Variants in SLC5A4 observed in about 807,000 individuals in gnomAD.
SLC5A4 encodes the protein probable glucose sensor protein SLC5A4.
Under a neutral mutation model 70.3 loss-of-function variants are expected in SLC5A4, and 55 were observed. That is an observed-to-expected ratio of 0.78 (90% CI 0.63 to 0.98). The LOEUF (loss-of-function observed/expected upper bound fraction) is 0.98, where lower values mean the gene tolerates loss of function less well. Among genes scored for constraint, SLC5A4 ranks in the 50% least tolerant of loss-of-function variants. The pLI is 0.00. For missense variants in SLC5A4, 735 were observed against 839.2 expected (o/e 0.88, Z 1.53); for synonymous variants, 268 against 305.7 (o/e 0.88, Z 1.29).
the SLC5A4 span, among the ~76,000 whole-genome samples, chr22:32,263,102 A>G: frequency 2.0e-5 from 3 of 147,032 alleles, no homozygotes; most frequent in Admixed American, 1.3e-4. Context: ...ACCACTGTCA[A>G]CCAGGCTGGA....
chr22:32,224,552 T>C lies in SLC5A4; in HGVS notation c.1450-70A>G, dbSNP rs991533120. 77 of 1,240,994 alleles carry C rather than the reference T, an allele frequency of 6.2e-5. 1 individual carries two copies. In the African/African-American group the frequency reaches 1.0e-3, roughly 17 times the overall value. 76.9% of individuals were successfully genotyped at this position (1,240,994 alleles called of 1,614,324 possible). A position where few individuals can be genotyped will look rare whatever the true frequency, so the allele number is the denominator to read the frequency against. On this transcript the variant is annotated intron_variant, in intron 12 of 14. Coordinates refer to ENST00000266086, the MANE Select transcript of SLC5A4 (RefSeq NM_014227.3). ...AGAAGCTTATTCAAGTAAGTCATCA[T>C]TATAATCCTGCCTGCTTTCTCAGTT...
At chr22:32,319,065 G>T in the SLC5A4 span, among the ~76,000 whole-genome samples, 1 of 152,206 alleles carries the variant, frequency 6.6e-6, no homozygotes, top group Admixed American at 6.5e-5. Flanking sequence ...CAACAAGTAA[G>T]GGGGAATTCA....
At chr22:32,331,014 C>T in the SLC5A4 span, among the ~76,000 whole-genome samples, 2 of 74,080 alleles carry the variant, frequency 2.7e-5, no homozygotes, top group Non-Finnish European at 5.3e-5. Context: ...GTTGGGGGCT[C>T]TGGTGTGTGT....
the SLC5A4 span, among the ~76,000 whole-genome samples, chr22:32,261,160 A>C: frequency 6.6e-6 from 1 of 151,928 alleles, no homozygotes; most frequent in African/African-American, 2.4e-5. Flanking sequence ...AACAATATGC[A>C]CAGGGGAGAA....
At chr22:32,258,008 C>A (rs1927576577), upstream of SLC5A4, among the ~76,000 whole-genome samples, 1 of 150,644 alleles carries the variant, frequency 6.6e-6, no homozygotes, top group Non-Finnish European at 1.5e-5. Context: ...ATTTGTGAGA[C>A]AGAGTCTTGC....
intron 5 of SLC5A4, among the ~76,000 whole-genome samples, chr22:32,246,675 G>A (rs1457963540): frequency 2.0e-5 from 3 of 151,980 alleles, no homozygotes; most frequent in African/African-American, 7.3e-5. Context: ...TTACTGGTGT[G>A]CATCACCATG....
chr22:32,282,149 G>A, the SLC5A4 span, among the ~76,000 whole-genome samples: 33 of 152,186 alleles, frequency 2.2e-4, no homozygotes, highest in Non-Finnish European at 4.4e-4. Context: ...GGCCACTTCC[G>A]TGTTTCTTTC....
At chr22:32,232,091 G>C (rs1735399485) in intron 9 of SLC5A4, among the ~76,000 whole-genome samples, 1 of 152,058 alleles carries the variant, frequency 6.6e-6, no homozygotes, top group Admixed American at 6.6e-5. Flanking sequence ...TATTGCTCAG[G>C]CTGGTCTCAA....
At chr22:32,319,702 T>G in the SLC5A4 span, among the ~76,000 whole-genome samples, 1 of 152,252 alleles carries the variant, frequency 6.6e-6, no homozygotes, top group Non-Finnish European at 1.5e-5. Context: ...GCTGAATCCC[T>G]GATCTCCTTT....
chr22:32,309,681 G>A, the SLC5A4 span, among the ~76,000 whole-genome samples: 53 of 151,972 alleles, frequency 3.5e-4, no homozygotes, highest in African/African-American at 8.9e-4. Flanking sequence ...TTTCCACACC[G>A]AGTGTTCACA....
At chr22:32,280,573 C>T in the SLC5A4 span, among the ~76,000 whole-genome samples, 4 of 152,210 alleles carry the variant, frequency 2.6e-5, no homozygotes, top group Non-Finnish European at 5.9e-5. Flanking sequence ...CTCCCTCCCT[C>T]TCTTCCCTAT....
the SLC5A4 span, among the ~76,000 whole-genome samples, chr22:32,287,980 T>G: frequency 6.6e-6 from 1 of 151,194 alleles, no homozygotes. Context: ...TGGAGAGCAC[T>G]AGGCAGTTCA....
intron 3 of SLC5A4, among the ~76,000 whole-genome samples, chr22:32,249,712 T>G (rs1229683682): frequency 6.6e-6 from 1 of 152,212 alleles, no homozygotes; most frequent in Non-Finnish European, 1.5e-5. Flanking sequence ...TGCACATGCA[T>G]GTACATGAAA....
the SLC5A4 span, among the ~76,000 whole-genome samples, chr22:32,306,911 G>GCT: frequency 2.4e-5 from 1 of 41,724 alleles, no homozygotes; most frequent in African/African-American, 8.4e-5. Flanking sequence ...AAGAAGAGGC[G>GCT]CTCTCTCTTG....
intron 14 of SLC5A4, 54 bp from the exon 15 acceptor site, chr22:32,218,779 G>T: frequency 7.2e-7 from 1 of 1,392,714 alleles, no homozygotes. Context: ...AAAGGAACTA[G>T]AAATCCTTGT....
At chr22:32,331,743 A>AG in the SLC5A4 span, among the ~76,000 whole-genome samples, 2 of 152,104 alleles carry the variant, frequency 1.3e-5, no homozygotes, top group Admixed American at 6.5e-5. Context: ...CGACAGGCGG[A>AG]GGGCAGGACA....
chr22:32,226,484 C>T (rs1603225674), intron 11 of SLC5A4, among the ~76,000 whole-genome samples: 1 of 152,200 alleles, frequency 6.6e-6, no homozygotes, highest in Non-Finnish European at 1.5e-5. Context: ...TCTCTGCTCA[C>T]ATGAAACAGA....
chr22:32,247,419 AC>A lies in SLC5A4; in HGVS notation c.468del (p.Leu156PhefsTer2). The A allele has an allele frequency of 6.2e-7, 1 of 1,610,800 alleles. No individual in the cohort carries two copies. The highest frequency in any genetic ancestry group is 8.5e-7 in the Non-Finnish European group (1 of 1,176,932). On this transcript the variant is annotated frameshift_variant, in exon 5 of 15. Transcript: ENST00000266086. LOFTEE classifies it high-confidence loss of function. ...SILSLFICVV[L>X]LISADIFAGA... ...GGAGGCTCTGAACTCACAGAAATTA[AC>A]AAAACCACACAGATGAAGAGGGAGA...
At chr22:32,341,232 T>C in the SLC5A4 span, among the ~76,000 whole-genome samples, 2 of 151,046 alleles carry the variant, frequency 1.3e-5, no homozygotes, top group Admixed American at 1.3e-4. Flanking sequence ...TGGGTCTGGG[T>C]GGGGGTCCCC....
Sources: gnomAD v4.1 joint callset for allele counts (sites outside exome capture counted in the v4.1 genomes callset) on GRCh38, gnomAD v4.1.1 for gene constraint, MANE v1.5 for transcripts, NCBI Gene and HGNC (gene_info 2026-07-23, HGNC 2026-07-21) for gene names.